Variants in SLC24A4 observed in about 807,000 individuals in gnomAD.
SLC24A4 encodes the protein sodium/potassium/calcium exchanger 4.
A neutral mutation model predicts 79.0 loss-of-function variants in SLC24A4; 53 were observed. The observed-to-expected ratio is 0.67, with a 90% CI of 0.54 to 0.84. The LOEUF is 0.84. SLC24A4 is among the 40% of genes least tolerant of loss of function. The probability of loss-of-function intolerance (pLI) is 0.00; values close to 1 mark genes in which losing one functional copy is unlikely to be tolerated. For synonymous variants in SLC24A4, 323 were observed against 323.8 expected (o/e 1.00, Z 0.03); for missense variants, 731 against 822.0 (o/e 0.89, Z 1.35).
rs1595349844 is a variant in SLC24A4, at chr14:92,477,372, C to T, written c.1256-5308C>T. On this transcript the variant is annotated intron_variant, in intron 12 of 16. Coordinates refer to ENST00000532405, the MANE Select transcript of SLC24A4 (RefSeq NM_153646.4). ...TTCTTTACATATTTTGGACAATAGACCCTTATCAGATATATTATTTGCAAA... is the reference window on the plus strand; with the variant it reads ...TTCTTTACATATTTTGGACAATAGATCCTTATCAGATATATTATTTGCAAA... Among the ~76,000 whole-genome samples, 4 of 152,262 alleles carry T rather than the reference C, an allele frequency of 2.6e-5. No homozygotes were observed. The East Asian group carries it at 7.7e-4, about 29-fold the overall frequency.
At chr14:92,360,243 A>T (rs1887429851) in intron 2 of SLC24A4, among the ~76,000 whole-genome samples, 1 of 151,834 alleles carries the variant, frequency 6.6e-6, no homozygotes, top group Admixed American at 6.6e-5. Flanking sequence ...TTTTAAAATC[A>T]TTATTATTTT....
intron 2 of SLC24A4, among the ~76,000 whole-genome samples, chr14:92,414,920 T>C (rs1890898355): frequency 6.6e-6 from 1 of 152,218 alleles, no homozygotes; most frequent in Admixed American, 6.5e-5. Flanking sequence ...ATTCTCTGTG[T>C]GGGTGGAGGT....
chr14:92,360,877 G>A (rs949952466), intron 2 of SLC24A4, among the ~76,000 whole-genome samples: 6 of 152,192 alleles, frequency 3.9e-5, no homozygotes, highest in African/African-American at 4.8e-5. Context: ...CTACGAAACC[G>A]AAATCTTGAA....
At chr14:92,363,881 A>G (rs1008648438) in intron 2 of SLC24A4, among the ~76,000 whole-genome samples, 3 of 151,616 alleles carry the variant, frequency 2.0e-5, no homozygotes, top group African/African-American at 7.3e-5. Context: ...TGGCATCTGT[A>G]CTGCCCCTCG....
intron 2 of SLC24A4, among the ~76,000 whole-genome samples, chr14:92,402,456 T>C (rs901044369): frequency 2.0e-4 from 30 of 152,144 alleles, no homozygotes; most frequent in Non-Finnish European, 2.5e-4. Flanking sequence ...CCAGGTAATA[T>C]AGGCAGCTGC....
intron 2 of SLC24A4, among the ~76,000 whole-genome samples, chr14:92,359,610 A>G (rs1019168043): frequency 6.6e-6 from 1 of 152,114 alleles, no homozygotes; most frequent in Non-Finnish European, 1.5e-5. Context: ...AGAAAAAAAA[A>G]AGATCAAGCA....
chr14:92,448,341 T>TACACACACACACAC (rs1415258640), intron 9 of SLC24A4, among the ~76,000 whole-genome samples: 9 of 18,672 alleles, frequency 4.8e-4, no homozygotes, highest in Admixed American at 7.9e-4. Context: ...TTTTTCCCAC[T>TACACACACACACAC]ACATACACAC....
intron 2 of SLC24A4, among the ~76,000 whole-genome samples, chr14:92,419,772 C>T (rs1286505132): frequency 1.3e-5 from 2 of 152,174 alleles, no homozygotes; most frequent in South Asian, 2.1e-4. Flanking sequence ...GCTTGTGTTT[C>T]ATGAATAAAG....
chr14:92,325,457 G>C (rs759253969), intron 1 of SLC24A4, among the ~76,000 whole-genome samples: 7 of 152,226 alleles, frequency 4.6e-5, no homozygotes, highest in African/African-American at 7.2e-5. Context: ...GAGGAGCACT[G>C]GGCCAGACCG....
At chr14:92,436,030 G>A (rs926195766) in intron 3 of SLC24A4, among the ~76,000 whole-genome samples, 2 of 152,228 alleles carry the variant, frequency 1.3e-5, no homozygotes, top group African/African-American at 4.8e-5. Flanking sequence ...TGGCTGGAGA[G>A]CCAAATCCAG....
At chr14:92,325,467 G>A (rs1378466353) in intron 1 of SLC24A4, among the ~76,000 whole-genome samples, 2 of 152,222 alleles carry the variant, frequency 1.3e-5, no homozygotes, top group African/African-American at 2.4e-5. Context: ...GGGCCAGACC[G>A]CATCAGCCTT....
At chr14:92,391,284 T>A (rs1281884444) in intron 2 of SLC24A4, among the ~76,000 whole-genome samples, 5 of 152,202 alleles carry the variant, frequency 3.3e-5, no homozygotes, top group African/African-American at 1.2e-4. Context: ...GGCCATTTCA[T>A]TGAGCTCTGA....
intron 2 of SLC24A4, among the ~76,000 whole-genome samples, chr14:92,332,753 C>T (rs1008505838): frequency 6.6e-6 from 1 of 152,210 alleles, no homozygotes; most frequent in African/African-American, 2.4e-5. Flanking sequence ...ACACTAGCTT[C>T]TCTCTTTATT....
intron 12 of SLC24A4, among the ~76,000 whole-genome samples, chr14:92,473,196 C>A (rs1019277870): frequency 6.6e-6 from 1 of 152,222 alleles, no homozygotes; most frequent in African/African-American, 2.4e-5. Flanking sequence ...GTTTGGCAAA[C>A]AGTATGCATT....
rs112929035 is a variant in SLC24A4 at position 92,332,335 on chromosome 14, A to G, written c.241+6357A>G. 4.2e-3 allele frequency among the ~76,000 whole-genome samples: 641 copies of G among 152,316 alleles called. 3 individuals are homozygous for G. The highest frequency in any genetic ancestry group is 0.014 in the African/African-American group (578 of 41,562). Reference sequence around the variant, plus strand: ...GTGTTAATCGACAGTTTATGTAATCAGTAAGGCTTCTGGTCAACAGTAGGG... The same window carrying G: ...GTGTTAATCGACAGTTTATGTAATCGGTAAGGCTTCTGGTCAACAGTAGGG... On this transcript the variant is annotated intron_variant, in intron 2 of 16. Coordinates refer to ENST00000532405, the MANE Select transcript of SLC24A4 (RefSeq NM_153646.4).
chr14:92,382,307 A>G (rs1384303117), intron 2 of SLC24A4, among the ~76,000 whole-genome samples: 1 of 152,210 alleles, frequency 6.6e-6, no homozygotes, highest in Non-Finnish European at 1.5e-5. Context: ...CTCTGAAGTC[A>G]GAACAGCCTT....
At chr14:92,380,504 C>T (rs1033087972) in intron 2 of SLC24A4, among the ~76,000 whole-genome samples, 1 of 152,200 alleles carries the variant, frequency 6.6e-6, no homozygotes, top group Non-Finnish European at 1.5e-5. Flanking sequence ...GATTTGGTTT[C>T]GGTGCCTCAG....
chr14:92,397,205 A>T (rs1889825357), intron 2 of SLC24A4, among the ~76,000 whole-genome samples: 2 of 152,148 alleles, frequency 1.3e-5, no homozygotes, highest in Non-Finnish European at 2.9e-5. Flanking sequence ...CACGGTGGAT[A>T]ATCCGAAATT....
At chr14:92,439,212 C>T (rs933161150) in intron 3 of SLC24A4, 123 bp from the exon 4 acceptor site, 4 of 732,850 alleles carry the variant, frequency 5.5e-6, no homozygotes, top group Non-Finnish European at 9.5e-6. Context: ...CTGGAGTTTT[C>T]CTGTGTGCCC....
Sources: gnomAD v4.1 joint callset for allele counts (sites outside exome capture counted in the v4.1 genomes callset) on GRCh38, gnomAD v4.1.1 for gene constraint, MANE v1.5 for transcripts, NCBI Gene and HGNC (gene_info 2026-07-23, HGNC 2026-07-21) for gene names.